Variants in RASGRP3 observed in about 807,000 individuals in gnomAD.
RASGRP3 encodes RAS guanyl releasing protein 3, also known as ras guanyl-releasing protein 3.
Under a neutral mutation model 82.7 loss-of-function variants are expected in RASGRP3, and 54 were observed. That is an observed-to-expected ratio of 0.65 (90% CI 0.52 to 0.82). The LOEUF is 0.82. Ranked by LOEUF, RASGRP3 falls within the 40% of genes least tolerant of loss-of-function variation. RASGRP3 has a pLI of 0.00. For missense variants in RASGRP3, 861 were observed against 828.9 expected, an observed-to-expected ratio of 1.04 and a Z score of -0.48; for synonymous variants, 309 against 300.5, an observed-to-expected ratio of 1.03 and a Z score of -0.29.
intron 1 of RASGRP3, among the ~76,000 whole-genome samples, chr2:33,507,131 C>T (rs1670451629): frequency 6.6e-6 from 1 of 152,208 alleles, no homozygotes; most frequent in Non-Finnish European, 1.5e-5. Context: ...CACAGTGGCT[C>T]ACACATGTAA....
chr2:33,544,835 AT>A (rs72215082), intron 13 of RASGRP3, among the ~76,000 whole-genome samples: 3,232 of 151,494 alleles, frequency 0.021, 121 homozygotes, highest in African/African-American at 0.072. Flanking sequence ...GTCTCTAACT[AT>A]TTTTTTTTAA....
chr2:33,454,871 C>T (rs116009826), intron 2 of RASGRP3, among the ~76,000 whole-genome samples: 114 of 152,262 alleles, frequency 7.5e-4, no homozygotes, highest in African/African-American at 2.6e-3. Flanking sequence ...GGTTCTATGT[C>T]CTAAAAATTT....
Position 33,527,312 on chromosome 2 carries a change from T to C in RASGRP3, c.983T>C (p.Val328Ala), listed in dbSNP as rs1437239596. The C allele has an allele frequency of 1.9e-6, 3 of 1,613,948 alleles. No individual in the cohort carries two copies. Among genetic ancestry groups the C allele is most frequent in the Non-Finnish European group, 1.7e-6 (2 of 1,179,820 alleles). ...ACAGAGGAGAACAAAGTGAACATTGTGAAAATGCACCAGCTCTCCGTTACC... is the reference window on the plus strand; with the variant it reads ...ACAGAGGAGAACAAAGTGAACATTGCGAAAATGCACCAGCTCTCCGTTACC... ...DWTEENKVNI[V>A]KMHQLSVTLS... The change falls in exon 10 of 18, where the codon GTG becomes GCG. Residue 328 changes from valine to alanine, a missense_variant. Physicochemically the swap from Val to Ala is moderately conservative, Grantham distance 64 (BLOSUM62 0). Transcript: ENST00000403687.
chr2:33,525,726 A>AAAAAAC (rs1553354884), intron 9 of RASGRP3, among the ~76,000 whole-genome samples: 1 of 134,676 alleles, frequency 7.4e-6, no homozygotes, highest in East Asian at 2.9e-4. Context: ...AAAAAAAAAA[A>AAAAAAC]ACTAGCCAGG....
chr2:33,518,819 C>G (rs566644727), intron 4 of RASGRP3, among the ~76,000 whole-genome samples: 1 of 152,138 alleles, frequency 6.6e-6, no homozygotes, highest in African/African-American at 2.4e-5. Context: ...TCACTGTCTT[C>G]CACCTCTATC....
chr2:33,523,774 T>C (rs1177624128), intron 7 of RASGRP3, 105 bp from the exon 8 acceptor site: 1 of 1,126,804 alleles, frequency 8.9e-7, no homozygotes, highest in Non-Finnish European at 1.3e-6. Flanking sequence ...TAAAAGAAAT[T>C]GTGTTGTTAC....
chr2:33,553,903 T>G (rs1675620285), intron 14 of RASGRP3, among the ~76,000 whole-genome samples: 1 of 152,168 alleles, frequency 6.6e-6, no homozygotes, highest in Non-Finnish European at 1.5e-5. Context: ...CATGCCCAGC[T>G]AATTTTTGTA....
In RASGRP3 at chr2:33,495,292, G is replaced by A. The variant is rs185366369; in HGVS notation, c.-260-16418G>A. 1.2e-3 allele frequency among the ~76,000 whole-genome samples: 187 copies of A among 152,306 alleles called. 1 individual carries two copies. The highest frequency in any genetic ancestry group is 4.4e-3 in the African/African-American group (183 of 41,566). The stretch of plus-strand genomic sequence containing the variant: ...CTGGGGGTTGGGAAGATGGTTTGGG[G>A]ATGAAACTGTTCCACCTCAGATCAT... On this transcript the variant is annotated intron_variant, in intron 1 of 17. Transcript: ENST00000403687.
chr2:33,558,928 A>G lies in RASGRP3; in HGVS notation c.1962A>G (p.Glu654=). The change falls in exon 17 of 18, where the codon GAA becomes GAG. Residue 654 remains glutamate (E), a synonymous_variant. Transcript: ENST00000403687. ...AGGACAAAGGCTTTGCCAAATGGGAAAATGAGAAGCCCAGGGTGCATGCTG... is the reference window on the plus strand; with the variant it reads ...AGGACAAAGGCTTTGCCAAATGGGAGAATGAGAAGCCCAGGGTGCATGCTG... ...AAKDKGFAKW[E]NEKPRVHAGV... 6.2e-7 allele frequency: 1 copy of G among 1,614,044 alleles called. No individual in the cohort carries two copies. Among genetic ancestry groups the G allele is most frequent in the Non-Finnish European group, 8.5e-7 (1 of 1,179,898 alleles).
intron 17 of RASGRP3, among the ~76,000 whole-genome samples, chr2:33,560,128 C>CT (rs1453131350): frequency 1.3e-5 from 2 of 152,168 alleles, no homozygotes; most frequent in Non-Finnish European, 2.9e-5. Flanking sequence ...TTTCAGTATG[C>CT]TTTTAGTATA....
At chr2:33,453,412 A>G (rs1665896448) in intron 2 of RASGRP3, among the ~76,000 whole-genome samples, 1 of 152,116 alleles carries the variant, frequency 6.6e-6, no homozygotes, top group Admixed American at 6.6e-5. Flanking sequence ...GGAAAATACT[A>G]TTGCACCATC....
chr2:33,534,406 T>A lies in RASGRP3; in HGVS notation c.1161+6T>A. 1 of 1,522,066 alleles carries A rather than the reference T, an allele frequency of 6.6e-7. No homozygotes were observed. Among genetic ancestry groups the A allele is most frequent in the Non-Finnish European group, 9.1e-7 (1 of 1,103,662 alleles). The allele number at this position is 1,522,066 out of a possible 1,614,324, so 94.3% of individuals were successfully genotyped here. A position where few individuals can be genotyped will look rare whatever the true frequency, so the allele number is the denominator to read the frequency against. On this transcript the variant is annotated splice_donor_region_variant and intron_variant, in intron 11 of 17. Transcript: ENST00000403687. ...AGCCTAGAAATTCTAAATCGGTAGG[T>A]ATTATTTTCTCTCCAAGGATCAGTA...
At chr2:33,560,718 A>C (rs1676553903) in intron 17 of RASGRP3, among the ~76,000 whole-genome samples, 1 of 152,244 alleles carries the variant, frequency 6.6e-6, no homozygotes, top group Non-Finnish European at 1.5e-5. Context: ...CTCCAGGTAG[A>C]TGGTAGGACG....
rs1249953618 is a variant in RASGRP3, at chr2:33,558,700, A to C, written c.1734A>C (p.Gly578=). 1.2e-6 allele frequency: 2 copies of C among 1,609,748 alleles called. No homozygotes were observed. Among genetic ancestry groups the C allele is most frequent in the South Asian group, 2.2e-5 (2 of 90,186 alleles). ...PAQDEVFEFP[G]VTAGHRDLDS... ...AGGATGAGGTGTTTGAGTTCCCTGG[A>C]GTCACTGCTGGACACAGGGATTTAG... Residue 578 remains glycine (G), a synonymous_variant, in exon 17 of 18, where the codon GGA becomes GGC. Coordinates refer to ENST00000403687, the MANE Select transcript of RASGRP3 (RefSeq NM_001139488.2).
upstream of RASGRP3, among the ~76,000 whole-genome samples, chr2:33,473,301 T>C (rs545198834): frequency 8.6e-4 from 131 of 152,046 alleles, no homozygotes; most frequent in Middle Eastern, 3.4e-3. Flanking sequence ...GAGAATGGCT[T>C]GAACCTGGGA....
At chr2:33,436,995 T>C (rs1010709375) in intron 1 of RASGRP3, among the ~76,000 whole-genome samples, 12 of 152,152 alleles carry the variant, frequency 7.9e-5, no homozygotes, top group African/African-American at 2.9e-4. Context: ...TTTTAATAAA[T>C]AGGCCTTCAA....
intron 17 of RASGRP3, among the ~76,000 whole-genome samples, chr2:33,561,814 C>A (rs188921839): frequency 6.6e-6 from 1 of 152,044 alleles, no homozygotes; most frequent in African/African-American, 2.4e-5. Flanking sequence ...TATAAGGGTA[C>A]GAACATTTTC....
At chr2:33,516,438 A>G in intron 3 of RASGRP3, 104 bp from the exon 4 acceptor site, 3 of 701,316 alleles carry the variant, frequency 4.3e-6, no homozygotes, top group South Asian at 4.1e-5. Flanking sequence ...TCATTTGTCT[A>G]TGAAAAGTTT....
chr2:33,558,792 C>T lies in RASGRP3; in HGVS notation c.1826C>T (p.Thr609Ile), dbSNP rs1190877252. The T allele has an allele frequency of 6.2e-7, 1 of 1,613,896 alleles. No individual in the cohort carries two copies. The highest frequency in any genetic ancestry group is 8.5e-7 in the Non-Finnish European group (1 of 1,179,910). ...RKISVRLQRA[T>I]TSQATQTEPV... is the part of the protein sequence containing the mutation. ...ATCTCTGTGAGGCTACAGAGGGCCA[C>T]CACCAGCCAGGCCACCCAGACTGAA... Residue 609 changes from threonine to isoleucine, a missense_variant, in exon 17 of 18, where the codon ACC (threonine) becomes ATC (isoleucine). Coordinates refer to ENST00000403687, the MANE Select transcript of RASGRP3 (RefSeq NM_001139488.2).
Sources: gnomAD v4.1 joint callset for allele counts (sites outside exome capture counted in the v4.1 genomes callset) on GRCh38, gnomAD v4.1.1 for gene constraint, MANE v1.5 for transcripts, NCBI Gene and HGNC (gene_info 2026-07-23, HGNC 2026-07-21) for gene names.